ASH2L: variants seen among roughly 807,000 people sequenced by gnomAD.
ASH2L encodes ASH2 like, histone lysine methyltransferase complex subunit.
ASH2L carries 30 observed loss-of-function variants against 81.1 expected under a neutral mutation model. The observed-to-expected ratio is 0.37, with a 90% confidence interval of 0.28 to 0.50. The LOEUF (loss-of-function observed/expected upper bound fraction) is 0.50. Ranked by LOEUF, ASH2L falls within the 20% of genes least tolerant of loss-of-function variation. The probability of loss-of-function intolerance (pLI) is 0.95; values close to 1 mark genes in which losing one functional copy is unlikely to be tolerated. For missense variants in ASH2L, 559 were observed against 792.1 expected, an observed-to-expected ratio of 0.71 and a Z score of 3.53; for synonymous variants, 273 against 279.9, an observed-to-expected ratio of 0.98 and a Z score of 0.24.
At chr8:38,116,415 C>A (rs1303112672) in intron 7 of ASH2L, among the ~76,000 whole-genome samples, 1 of 151,918 alleles carries the variant, frequency 6.6e-6, no homozygotes, top group Non-Finnish European at 1.5e-5. Flanking sequence ...TGCCTATAAT[C>A]CCAGCTACTC....
At position 38,105,754 on chromosome 8, in the gene ASH2L, G is replaced by T. The variant is rs1248612947; in HGVS notation, c.188+16G>T. ...CTGAAGGCGGGTAAGAGGTCCTGCC[G>T]CCCGAGGAAGACGCGGGAGGGAGGC... On this transcript the variant is annotated intron_variant, in intron 1 of 15. Coordinates refer to ENST00000343823, the MANE Select transcript of ASH2L (RefSeq NM_004674.5). 3 of 1,504,940 alleles carry T rather than the reference G, an allele frequency of 2.0e-6. No homozygotes were observed. Among genetic ancestry groups the T allele is most frequent in the Non-Finnish European group, 2.7e-6 (3 of 1,130,296 alleles). The allele number at this position is 1,504,940 out of a possible 1,614,324, so 93.2% of individuals were successfully genotyped here.
At chr8:38,116,530 C>G (rs896905068) in intron 7 of ASH2L, 120 bp from the exon 8 acceptor site, 17 of 793,500 alleles carry the variant, frequency 2.1e-5, no homozygotes, top group Non-Finnish European at 3.3e-5. Context: ...AAGGCCCCAT[C>G]TCAGAAAAAA....
rs1380723240 is a variant in ASH2L, at chr8:38,107,178, T to G, written c.401+12T>G. On this transcript the variant is annotated intron_variant, in intron 3 of 15. Coordinates refer to ENST00000343823, the MANE Select transcript of ASH2L (RefSeq NM_004674.5). Reference sequence around the variant, plus strand: ...GGCATAGATACCTCGTGAGTACTTTTCATAGTTTTTGTGAGAATTGCTCGG... The same window carrying G: ...GGCATAGATACCTCGTGAGTACTTTGCATAGTTTTTGTGAGAATTGCTCGG... 6.2e-7 allele frequency: 1 copy of G among 1,612,490 alleles called. No individual in the cohort carries two copies.
intron 13 of ASH2L, among the ~76,000 whole-genome samples, chr8:38,134,942 A>C (rs1802196152): frequency 6.6e-6 from 1 of 152,130 alleles, no homozygotes; most frequent in African/African-American, 2.4e-5. Flanking sequence ...GTCTTAGAGA[A>C]CTTCAAAGTG....
intron 9 of ASH2L, among the ~76,000 whole-genome samples, chr8:38,120,618 TCCCCCCCCCC>T (rs33928804): frequency 2.2e-4 from 1 of 4,582 alleles, no homozygotes; most frequent in Non-Finnish European, 1.7e-3. Flanking sequence ...TCTCCTCCCT[TCCCCCCCCCC>T]CCCCCCCCGC....
chr8:38,132,547 C>G (rs1802099917), intron 12 of ASH2L, among the ~76,000 whole-genome samples: 1 of 152,168 alleles, frequency 6.6e-6, no homozygotes, highest in Non-Finnish European at 1.5e-5. Flanking sequence ...GCCTGTAATC[C>G]CAGCACTTTG....
At chr8:38,124,221 T>A (rs937564336) in intron 10 of ASH2L, 2 of 152,172 alleles carry the variant, frequency 1.3e-5, no homozygotes, top group Non-Finnish European at 2.9e-5. Context: ...TTTATTTTTT[T>A]TTTTAGAAAG....
In ASH2L at chr8:38,105,703, G is replaced by C; in HGVS notation, c.153G>C (p.Pro51=). 6.4e-7 allele frequency: 1 copy of C among 1,558,322 alleles called. No individual in the cohort carries two copies. Among genetic ancestry groups the C allele is most frequent in the Non-Finnish European group, 8.7e-7 (1 of 1,154,300 alleles). Residue 51 remains proline, a synonymous_variant, in exon 1 of 16, where the codon CCG becomes CCC. Coordinates refer to ENST00000343823, the MANE Select transcript of ASH2L (RefSeq NM_004674.5). ...APPGEGISAA[P]TVEPSSGEAE... is the part of the protein sequence containing the mutation. Reference sequence around the variant, plus strand: ...CTGGAGAGGGGATCTCTGCTGCTCCGACAGTTGAGCCCAGTTCCGGGGAGG... The same window carrying C: ...CTGGAGAGGGGATCTCTGCTGCTCCCACAGTTGAGCCCAGTTCCGGGGAGG...
intron 7 of ASH2L, among the ~76,000 whole-genome samples, chr8:38,115,989 G>C (rs1810876742): frequency 6.6e-6 from 1 of 152,216 alleles, no homozygotes; most frequent in African/African-American, 2.4e-5. Flanking sequence ...CACTTTGGGA[G>C]GCTGAGGCGG....
intron 8 of ASH2L, among the ~76,000 whole-genome samples, chr8:38,118,226 G>A (rs889222324): frequency 6.6e-6 from 1 of 152,298 alleles, no homozygotes; most frequent in Non-Finnish European, 1.5e-5. Context: ...CAGAATATGA[G>A]CCACCTTCAA....
At chr8:38,134,839 T>A (rs1345927890) in intron 13 of ASH2L, among the ~76,000 whole-genome samples, 1 of 152,118 alleles carries the variant, frequency 6.6e-6, no homozygotes, top group Non-Finnish European at 1.5e-5. Flanking sequence ...GAAGGCAGCC[T>A]TTTCTGAAGA....
At chr8:38,126,817 G>C (rs944455391) in intron 10 of ASH2L, among the ~76,000 whole-genome samples, 2 of 141,430 alleles carry the variant, frequency 1.4e-5, no homozygotes, top group African/African-American at 2.6e-5. Context: ...TCGCGCCACT[G>C]CACTCCAGCC....
intron 10 of ASH2L, among the ~76,000 whole-genome samples, chr8:38,126,168 A>G (rs944375753): frequency 2.0e-5 from 3 of 150,660 alleles, no homozygotes; most frequent in Non-Finnish European, 3.0e-5. Context: ...GCACCATCAC[A>G]CTCCAGCCTG....
intron 10 of ASH2L, among the ~76,000 whole-genome samples, chr8:38,127,459 A>T (rs1010705416): frequency 1.3e-5 from 2 of 152,166 alleles, no homozygotes; most frequent in Non-Finnish European, 2.9e-5. Context: ...AAAGTTAATC[A>T]CATGTAGGCT....
intron 5 of ASH2L, among the ~76,000 whole-genome samples, chr8:38,113,635 T>C (rs1022540534): frequency 3.9e-5 from 6 of 152,272 alleles, no homozygotes; most frequent in African/African-American, 1.2e-4. Flanking sequence ...TTTTAAAATT[T>C]ATTTGGTGAG....
At chr8:38,122,678 G>T (rs1176110460) in intron 10 of ASH2L, among the ~76,000 whole-genome samples, 1 of 151,616 alleles carries the variant, frequency 6.6e-6, no homozygotes, top group Admixed American at 6.6e-5. Flanking sequence ...TTCCTTATTT[G>T]TAAGGTCTTT....
At chr8:38,108,019 C>T (rs914261364) in intron 3 of ASH2L, among the ~76,000 whole-genome samples, 4 of 151,872 alleles carry the variant, frequency 2.6e-5, no homozygotes, top group African/African-American at 9.7e-5. Context: ...TCTGCAGCCT[C>T]GAACTTCTGA....
rs771994471 is a variant in ASH2L at position 38,110,444 on chromosome 8, C to T, written c.467C>T (p.Thr156Ile). 7.4e-6 allele frequency: 12 copies of T among 1,613,794 alleles called. No homozygotes were observed. Among genetic ancestry groups the T allele is most frequent in the Non-Finnish European group, 1.0e-5 (12 of 1,179,810 alleles). ...HCNVCHHSGN[T>I]YFLRKQANLK... ...AACGTCTGCCATCACAGTGGGAATA[C>T]CTATTTCCTCCGGAAGCAAGCAAGT... Residue 156 changes from threonine (T) to isoleucine (I), a missense_variant, in exon 4 of 16, where the codon ACC becomes ATC. By Grantham distance (89) the Thr-to-Ile change is moderately conservative. Transcript: ENST00000343823.
Position 38,105,532 on chromosome 8 carries a change from A to C in ASH2L, c.-19A>C. The stretch of plus-strand genomic sequence containing the variant: ...CGAGAGAAGAGAGTATTCTCGCGAG[A>C]AGTCCAGGGGTGGCCGTGATGGCGG... On this transcript the variant is annotated 5_prime_UTR_variant, in exon 1 of 16. Coordinates refer to ENST00000343823, the MANE Select transcript of ASH2L (RefSeq NM_004674.5). The C allele has an allele frequency of 6.5e-7, 1 of 1,534,774 alleles. No individual in the cohort carries two copies. The highest frequency in any genetic ancestry group is 2.5e-5 in the East Asian group (1 of 39,646).
Sources: gnomAD v4.1 joint callset for allele counts (sites outside exome capture counted in the v4.1 genomes callset) on GRCh38, gnomAD v4.1.1 for gene constraint, MANE v1.5 for transcripts, NCBI Gene and HGNC (gene_info 2026-07-23, HGNC 2026-07-21) for gene names.